MSH4: variants seen among roughly 807,000 people sequenced by gnomAD.
MSH4 encodes mutS homolog 4, also known as mutS protein homolog 4.
In MSH4, 106 loss-of-function variants were observed where a neutral mutation model predicts 113.7. The ratio of observed to expected loss-of-function variants is 0.93; its 90% CI spans 0.80 to 1.10. MSH4 has a LOEUF of 1.10. MSH4 is among the 50% of genes least tolerant of loss of function. MSH4 has a pLI of 0.00. For synonymous variants in MSH4, 368 were observed against 380.2 expected (o/e 0.97, Z 0.37); for missense variants, 1,061 against 1,093.7 (o/e 0.97, Z 0.42).
intron 19 of MSH4, among the ~76,000 whole-genome samples, chr1:75,905,110 T>C (rs1372350443): frequency 6.6e-6 from 1 of 151,736 alleles, no homozygotes; most frequent in Admixed American, 6.6e-5. Flanking sequence ...TTGTTTTTGC[T>C]TTCCTAGCTT....
In MSH4 at chr1:75,816,540, A is replaced by G; in HGVS notation, c.983A>G (p.Asp328Gly). 2 of 1,547,292 alleles carry G rather than the reference A, an allele frequency of 1.3e-6. No individual in the cohort carries two copies. The highest frequency in any genetic ancestry group is 1.4e-5 in the African/African-American group (1 of 73,674). ...QNLELLINNQ[D>G]YRNNHTLFGV... The stretch of plus-strand genomic sequence containing the variant: ...CTTGAATTGTTAATTAATAATCAAG[A>G]CTATAGGTAAGATCATCCATTTTAT... Residue 328 changes from aspartate to glycine, a missense_variant, in exon 6 of 20, where the codon GAC (aspartate) becomes GGC (glycine). Physicochemically the swap from Asp to Gly is moderately conservative, Grantham distance 94. Coordinates refer to ENST00000263187, the MANE Select transcript of MSH4 (RefSeq NM_002440.4).
chr1:75,816,281 T>C (rs1325369821), intron 5 of MSH4, 92 bp from the exon 6 acceptor site: 11 of 850,304 alleles, frequency 1.3e-5, no homozygotes, highest in Non-Finnish European at 1.2e-5. Context: ...GTTTAAGCAA[T>C]GCTATGCAAA....
intron 1 of MSH4, among the ~76,000 whole-genome samples, chr1:75,802,162 C>A (rs1166243735): frequency 6.6e-6 from 1 of 152,150 alleles, no homozygotes; most frequent in African/African-American, 2.4e-5. Context: ...GAACGAGAGT[C>A]TCACATACAG....
At chr1:75,847,918 C>T (rs563689599) in intron 7 of MSH4, among the ~76,000 whole-genome samples, 2 of 152,274 alleles carry the variant, frequency 1.3e-5, no homozygotes, top group East Asian at 3.9e-4. Flanking sequence ...CCAACATCGC[C>T]ACACTAGGAA....
chr1:75,799,139 C>T (rs1205329946), intron 1 of MSH4, among the ~76,000 whole-genome samples: 1 of 152,178 alleles, frequency 6.6e-6, no homozygotes, highest in Non-Finnish European at 1.5e-5. Flanking sequence ...TCAGTCTAAT[C>T]CCTCTCTTCA....
At chr1:75,808,023 A>G (rs1146652) in intron 3 of MSH4, among the ~76,000 whole-genome samples, 141,174 of 152,310 alleles carry the variant, frequency 0.93, 65,735 homozygotes, top group African/African-American at 0.98. Flanking sequence ...AGCATTGTGC[A>G]TATACATTAA....
chr1:75,861,166 CT>C (rs35154985), intron 8 of MSH4, among the ~76,000 whole-genome samples: 146,529 of 152,126 alleles, frequency 0.96, 70,812 homozygotes, highest in East Asian at 1. Context: ...TTCATCTAAC[CT>C]TTTTTTCAAG....
At chr1:75,844,417 C>G (rs1012750827) in intron 7 of MSH4, among the ~76,000 whole-genome samples, 33 of 152,118 alleles carry the variant, frequency 2.2e-4, no homozygotes, top group African/African-American at 7.7e-4. Flanking sequence ...ACTTCTATCT[C>G]CCTGGCTCAA....
chr1:75,836,815 A>G (rs1650839218), intron 7 of MSH4, among the ~76,000 whole-genome samples: 1 of 152,108 alleles, frequency 6.6e-6, no homozygotes, highest in Admixed American at 6.6e-5. Flanking sequence ...TATTTCCTAA[A>G]TGCTATGGCT....
At chr1:75,849,778 A>G (rs1472545106) in intron 8 of MSH4, among the ~76,000 whole-genome samples, 2 of 152,168 alleles carry the variant, frequency 1.3e-5, no homozygotes, top group Admixed American at 6.5e-5. Context: ...TCTTCCTTAC[A>G]TATTTGGTAG....
rs12403057 is a variant in MSH4, at chr1:75,885,934, A to T, written c.2107+2113A>T. Among the ~76,000 whole-genome samples the T allele has an allele frequency of 0.03, 649 of 21,684 alleles. 101 individuals carry two copies. In the East Asian group the frequency reaches 0.51, roughly 17 times the overall value. 14.2% of individuals were successfully genotyped at this position (21,684 alleles called of 152,430 possible). A position where few individuals can be genotyped will look rare whatever the true frequency, so the allele number is the denominator to read the frequency against. ...ATATATAATATATATGATGTATTAT[A>T]TAACATATATAATATATATGATGTA... On this transcript the variant is annotated intron_variant, in intron 15 of 19. Transcript: ENST00000263187.
intron 7 of MSH4, among the ~76,000 whole-genome samples, chr1:75,832,376 T>C (rs1433857188): frequency 6.6e-6 from 1 of 152,178 alleles, no homozygotes. Flanking sequence ...GCTGGTACCA[T>C]TCCCTCTGAA....
At position 75,889,372 on chromosome 1, in the gene MSH4, A is replaced by G; in HGVS notation, c.2226+3A>G. 2 of 1,321,856 alleles carry G rather than the reference A, an allele frequency of 1.5e-6. No individual in the cohort carries two copies. The highest frequency in any genetic ancestry group is 2.1e-6 in the Non-Finnish European group (2 of 944,022). The allele number at this position is 1,321,856 out of a possible 1,614,324, so 81.9% of individuals were successfully genotyped here. ...CATTTATGAAAGAAATGAAAGAGGT[A>G]CCCAAACAAAACTTTTCTTATGTTA... On this transcript the variant is annotated splice_donor_region_variant and intron_variant, in intron 16 of 19. Coordinates refer to ENST00000263187, the MANE Select transcript of MSH4 (RefSeq NM_002440.4).
At chr1:75,824,119 A>G (rs1650491070) in intron 7 of MSH4, among the ~76,000 whole-genome samples, 1 of 152,010 alleles carries the variant, frequency 6.6e-6, no homozygotes, top group Non-Finnish European at 1.5e-5. Context: ...CTATTTCTCC[A>G]CATCCTCTCC....
chr1:75,806,554 T>C (rs1188178378), intron 2 of MSH4, among the ~76,000 whole-genome samples: 2 of 152,130 alleles, frequency 1.3e-5, no homozygotes, highest in Non-Finnish European at 2.9e-5. Flanking sequence ...GCCTTTTCTG[T>C]TAGTTTCTAT....
intron 17 of MSH4, among the ~76,000 whole-genome samples, chr1:75,894,446 A>G (rs374799108): frequency 1.0e-3 from 156 of 152,346 alleles, no homozygotes; most frequent in Middle Eastern, 6.8e-3. Context: ...TGACCTGGCT[A>G]TAGCCATTAC....
At chr1:75,803,646 G>C (rs1649990482) in intron 1 of MSH4, 85 bp from the exon 2 acceptor site, 1 of 1,010,360 alleles carries the variant, frequency 9.9e-7, no homozygotes, top group South Asian at 2.4e-5. Context: ...AAAAAGGAAA[G>C]TGAACATGGT....
intron 9 of MSH4, among the ~76,000 whole-genome samples, chr1:75,873,522 A>G (rs777460001): frequency 1.3e-5 from 2 of 151,966 alleles, no homozygotes; most frequent in Non-Finnish European, 2.9e-5. Context: ...TACTAAGCCT[A>G]GTACCCAATA....
intron 6 of MSH4, among the ~76,000 whole-genome samples, chr1:75,819,886 T>A (rs1382098134): frequency 6.6e-6 from 1 of 150,898 alleles, no homozygotes. Flanking sequence ...AATTTTTGTA[T>A]TTTTTTTTCA....
Sources: allele counts gnomAD v4.1 joint callset (sites outside exome capture counted in the v4.1 genomes callset), GRCh38; gene constraint gnomAD v4.1.1; transcripts MANE v1.5; gene names NCBI Gene and HGNC (gene_info 2026-07-23, HGNC 2026-07-21).